The following NUDT11 variants were observed in gnomAD, a reference collection of about 807,000 sequenced individuals.
NUDT11 encodes nudix hydrolase 11, also known as diphosphoinositol polyphosphate phosphohydrolase 3-beta.
NUDT11 carries 1 observed loss-of-function variant against 10.0 expected under a neutral mutation model. That is an observed-to-expected ratio of 0.10 (90% CI 0.04 to 0.47). The LOEUF is 0.47. Ranked by LOEUF, NUDT11 falls within the 20% of genes least tolerant of loss-of-function variation. The probability of loss-of-function intolerance (pLI) is 0.96; values close to 1 mark genes in which losing one functional copy is unlikely to be tolerated. For synonymous variants in NUDT11, 63 were observed against 65.9 expected (o/e 0.96, Z 0.21); for missense variants, 47 against 140.4 (o/e 0.33, Z 3.36).
intron 1 of NUDT11, among the ~76,000 whole-genome samples, chrX:51,492,326 C>G (rs1386972304): frequency 9.0e-6 from 1 of 110,549 alleles, no homozygotes; most frequent in African/African-American, 3.3e-5. Context: ...ATCTGTCTGA[C>G]TTCAAACCCC....
In NUDT11 at chrX:51,491,038, TTTA is replaced by T. The variant is rs1569552967; in HGVS notation, c.*708_*710del. 8.9e-6 allele frequency: 1 copy of T among 112,648 alleles called. No homozygotes were observed. Among genetic ancestry groups the T allele is most frequent in the Non-Finnish European group, 1.9e-5 (1 of 53,294 alleles). 9.3% of individuals were successfully genotyped at this position (112,648 alleles called of 1,213,427 possible). A position where few individuals can be genotyped will look rare whatever the true frequency, so the allele number is the denominator to read the frequency against. ...ACAACATTATTTTGCGTCCACTGTA[TTTA>T]TTTTTACAATTACCTTTATAGCAAG... is the stretch of plus-strand genomic sequence containing the variant. On this transcript the variant is annotated 3_prime_UTR_variant, in exon 2 of 2. Coordinates refer to ENST00000375992, the MANE Select transcript of NUDT11 (RefSeq NM_018159.4).
chrX:51,491,777 G>A (rs782247654), intron 1 of NUDT11, 28 bp from the exon 2 acceptor site: 4 of 569,228 alleles, frequency 7.0e-6, no homozygotes, highest in Non-Finnish European at 1.3e-5. Flanking sequence ...CACACAATTA[G>A]CAGGCTTATG....
chrX:51,494,172 C>T (rs1368424186), intron 1 of NUDT11, among the ~76,000 whole-genome samples: 1 of 111,498 alleles, frequency 9.0e-6, no homozygotes, highest in East Asian at 2.8e-4. Context: ...AGTTTACCTG[C>T]GGAACAAATC....
At chrX:51,492,749 G>A (rs1024954974) in intron 1 of NUDT11, among the ~76,000 whole-genome samples, 7 of 111,753 alleles carry the variant, frequency 6.3e-5, no homozygotes, top group African/African-American at 2.0e-4. Flanking sequence ...TTATAGTGCT[G>A]TTTGCCCAAA....
chrX:51,490,411 G>A lies in NUDT11; in HGVS notation c.*1338C>T, dbSNP rs944687321. 9.0e-6 allele frequency: 1 copy of A among 111,707 alleles called. No homozygotes were observed. Among genetic ancestry groups the A allele is most frequent in the South Asian group, 3.8e-4 (1 of 2,654 alleles). 9.2% of individuals were successfully genotyped at this position (111,707 alleles called of 1,213,427 possible). Reference sequence around the variant, plus strand: ...AAATGGAGTCCAAGCTTTTATCGATGCAATTGCTTTATAATATAAAAGAAA... The same window carrying A: ...AAATGGAGTCCAAGCTTTTATCGATACAATTGCTTTATAATATAAAAGAAA... On this transcript the variant is annotated 3_prime_UTR_variant, in exon 2 of 2. Transcript: ENST00000375992.
rs1557326177 is a variant in NUDT11, at chrX:51,491,560, A to G, written c.*189T>C. 3.0e-5 allele frequency: 13 copies of G among 434,676 alleles called. No homozygotes were observed. The East Asian group carries it at 4.5e-4, about 15-fold the overall frequency. 35.8% of individuals were successfully genotyped at this position (434,676 alleles called of 1,213,427 possible). A position where few individuals can be genotyped will look rare whatever the true frequency, so the allele number is the denominator to read the frequency against. On this transcript the variant is annotated 3_prime_UTR_variant, in exon 2 of 2. Coordinates refer to ENST00000375992, the MANE Select transcript of NUDT11 (RefSeq NM_018159.4). Reference sequence around the variant, plus strand: ...CTGAATTAAGAGTCTATTCACGTATAAGAGTACAACAACCAGAGCAAGAGT... The same window carrying G: ...CTGAATTAAGAGTCTATTCACGTATGAGAGTACAACAACCAGAGCAAGAGT...
chrX:51,493,942 T>C (rs1172984126), intron 1 of NUDT11, among the ~76,000 whole-genome samples: 2 of 111,875 alleles, frequency 1.8e-5, no homozygotes, highest in African/African-American at 6.5e-5. Context: ...CAGTGTTTCA[T>C]GTGGAACACA....
chrX:51,493,399 G>C (rs1398551217), intron 1 of NUDT11, among the ~76,000 whole-genome samples: 1 of 111,585 alleles, frequency 9.0e-6, no homozygotes, highest in Non-Finnish European at 1.9e-5. Context: ...ACTACTCTTA[G>C]AAGGAAAAAA....
In NUDT11 at chrX:51,493,054, T is replaced by C. The variant is rs1925628761; in HGVS notation, c.*-1305A>G. The stretch of plus-strand genomic sequence containing the variant: ...CAAAATTATTTTCGAGTTTCTTCCC[T>C]TTAGTTTGTTTCTTTAAAGTGTAGT... On this transcript the variant is annotated intron_variant, in intron 1 of 1. Transcript: ENST00000375992. Among the ~76,000 whole-genome samples the C allele has an allele frequency of 3.5e-5, 4 of 112,776 alleles. No homozygotes were observed. In the South Asian group the frequency reaches 1.4e-3, roughly 41 times the overall value.
intron 1 of NUDT11, among the ~76,000 whole-genome samples, chrX:51,492,489 A>G (rs1238847341): frequency 1.8e-5 from 2 of 110,298 alleles, no homozygotes; most frequent in Non-Finnish European, 3.8e-5. Context: ...CCCAAATAGA[A>G]GGTATTACAG....
rs1321988751 is a variant in NUDT11 at position 51,490,904 on chromosome X, ACAGTGTTTCCT to A, written c.*834_*844del. On this transcript the variant is annotated 3_prime_UTR_variant, in exon 2 of 2. Coordinates refer to ENST00000375992, the MANE Select transcript of NUDT11 (RefSeq NM_018159.4). ...TATGTTAAATCTGTAAAATGAGGAA[ACAGTGTTTCCT>A]CAAAGAGATGTTAAGATGACATGTA... 8.9e-6 allele frequency: 1 copy of A among 112,440 alleles called. No individual in the cohort carries two copies. The highest frequency in any genetic ancestry group is 9.4e-5 in the Admixed American group (1 of 10,617). 9.3% of individuals were successfully genotyped at this position (112,440 alleles called of 1,213,427 possible).
intron 1 of NUDT11, among the ~76,000 whole-genome samples, chrX:51,492,140 C>T (rs1485538131): frequency 8.9e-6 from 1 of 112,001 alleles, no homozygotes; most frequent in African/African-American, 3.2e-5. Context: ...ATAAACTCTG[C>T]GAACCATGAC....
At position 51,496,361 on chromosome X, in the gene NUDT11, T is replaced by C. The variant is rs184368512; in HGVS notation, c.84A>G (p.Glu28=). The change falls in exon 1 of 2, where the codon GAA becomes GAG. Residue 28 remains glutamate (E), a synonymous_variant. Coordinates refer to ENST00000375992, the MANE Select transcript of NUDT11 (RefSeq NM_018159.4). ...KRAACLCFRS[E]REDEVLLVSS... ...TCACTAACAGGACCTCGTCCTCGCG[T>C]TCGCTCCGGAAGCACAGGCACGCCG... 1.3e-3 allele frequency: 1,563 copies of C among 1,206,580 alleles called. 6 individuals carry two copies. Among genetic ancestry groups the C allele is most frequent in the African/African-American group, 8.3e-3 (468 of 56,686 alleles).
intron 1 of NUDT11, among the ~76,000 whole-genome samples, chrX:51,495,243 G>T (rs1463672848): frequency 4.5e-5 from 5 of 111,658 alleles, no homozygotes; most frequent in African/African-American, 1.6e-4. Flanking sequence ...AACAGAAAAA[G>T]AAATTTCTGA....
Position 51,496,319 on chromosome X carries a change from CG to C in NUDT11, c.125del (p.Pro42ArgfsTer35). Reference protein sequence around the residue: ...EVLLVSSSRYPDRWIVPGGGM... With the variant: ...EVLLVSSSRYXDRWIVPGGGM... ...CCCCGCCCGGCACGATCCAGCGGTCCGGGTACCGGCTGCTACTCACTAACAG... is the reference window on the plus strand; with the variant it reads ...CCCCGCCCGGCACGATCCAGCGGTCCGGTACCGGCTGCTACTCACTAACAG... On this transcript the variant is annotated frameshift_variant, in exon 1 of 2. Transcript: ENST00000375992. LOFTEE classifies it high-confidence loss of function. 1 of 1,207,994 alleles carries C rather than the reference CG, an allele frequency of 8.3e-7. No homozygotes were observed. The highest frequency in any genetic ancestry group is 1.1e-6 in the Non-Finnish European group (1 of 893,752).
rs1557326143 is a variant in NUDT11, at chrX:51,491,239, A to G, written c.*510T>C. 2.6e-5 allele frequency: 3 copies of G among 113,355 alleles called. No homozygotes were observed. The highest frequency in any genetic ancestry group is 5.5e-5 in the Non-Finnish European group (3 of 54,060). 9.3% of individuals were successfully genotyped at this position (113,355 alleles called of 1,213,427 possible). A position where few individuals can be genotyped will look rare whatever the true frequency, so the allele number is the denominator to read the frequency against. ...TAGGAGTAATAATTCTTGTCCTCAAACATCTTACAACTGTCTTGAAATATT... is the reference window on the plus strand; with the variant it reads ...TAGGAGTAATAATTCTTGTCCTCAAGCATCTTACAACTGTCTTGAAATATT... On this transcript the variant is annotated 3_prime_UTR_variant, in exon 2 of 2. Transcript: ENST00000375992.
Position 51,491,763 on chromosome X carries a change from C to T in NUDT11, c.*-14G>A. On this transcript the variant is annotated splice_polypyrimidine_tract_variant and intron_variant, in intron 1 of 1. Transcript: ENST00000375992. ...TTTGCTGTTCATCTGGAAAAACAAA[C>T]CAACACACAATTAGCAGGCTTATGT... 1 of 571,058 alleles carries T rather than the reference C, an allele frequency of 1.8e-6. No individual in the cohort carries two copies. Among genetic ancestry groups the T allele is most frequent in the Non-Finnish European group, 3.2e-6 (1 of 309,519 alleles). The allele number at this position is 571,058 out of a possible 1,213,427, so 47.1% of individuals were successfully genotyped here. A position where few individuals can be genotyped will look rare whatever the true frequency, so the allele number is the denominator to read the frequency against.
chrX:51,495,471 C>G (rs1557326549), intron 1 of NUDT11, among the ~76,000 whole-genome samples: 1 of 112,177 alleles, frequency 8.9e-6, no homozygotes, highest in East Asian at 2.8e-4. Flanking sequence ...CCAAGCTGGT[C>G]AGACTTTAAA....
rs1473824016 is a variant in NUDT11, at chrX:51,491,396, A to G, written c.*353T>C. On this transcript the variant is annotated 3_prime_UTR_variant, in exon 2 of 2. Transcript: ENST00000375992. ...ATATTAATTGAATCAAAGAACCTTCAGTGATGCCAACCATATTTCAAGTAG... is the reference window on the plus strand; with the variant it reads ...ATATTAATTGAATCAAAGAACCTTCGGTGATGCCAACCATATTTCAAGTAG... 1 of 193,136 alleles carries G rather than the reference A, an allele frequency of 5.2e-6. No homozygotes were observed. The highest frequency in any genetic ancestry group is 2.9e-5 in the African/African-American group (1 of 33,919). The allele number at this position is 193,136 out of a possible 1,213,427, so 15.9% of individuals were successfully genotyped here.
Sources: allele counts gnomAD v4.1 joint callset (sites outside exome capture counted in the v4.1 genomes callset), GRCh38; gene constraint gnomAD v4.1.1; transcripts MANE v1.5; gene names NCBI Gene and HGNC (gene_info 2026-07-23, HGNC 2026-07-21).